MAP3K21: variants seen among roughly 807,000 people sequenced by gnomAD.
MAP3K21 encodes mitogen-activated protein kinase kinase kinase MLK4.
In MAP3K21, 63 loss-of-function variants were observed where a neutral mutation model predicts 86.1. That is an observed-to-expected ratio of 0.73 (90% CI 0.60 to 0.90). MAP3K21 has a LOEUF of 0.90. Among genes scored for constraint, MAP3K21 ranks in the 40% least tolerant of loss-of-function variants. The probability of loss-of-function intolerance (pLI) is 0.00; values close to 1 mark genes in which losing one functional copy is unlikely to be tolerated. For synonymous variants in MAP3K21, 558 were observed against 564.8 expected, an observed-to-expected ratio of 0.99 and a Z score of 0.17; for missense variants, 1,220 against 1,367.7, an observed-to-expected ratio of 0.89 and a Z score of 1.70.
chr1:233,339,267 C>CTTCTTCTTCTTGTTCTTCTTCTTCTT, intron 1 of MAP3K21, among the ~76,000 whole-genome samples: 1 of 25,146 alleles, frequency 4.0e-5, no homozygotes, highest in Non-Finnish European at 8.0e-5. Flanking sequence ...TCTTCTTCTT[C>CTTCTTCTTCTTGTTCTTCTTCTTCTT]CTCTTCTTCT....
Position 233,383,642 on chromosome 1 carries a change from A to G in MAP3K21, c.*931A>G, listed in dbSNP as rs1261768831. 1 of 152,102 alleles carries G rather than the reference A, an allele frequency of 6.6e-6. No homozygotes were observed. Among genetic ancestry groups the G allele is most frequent in the Non-Finnish European group, 1.5e-5 (1 of 68,010 alleles). 9.4% of individuals were successfully genotyped at this position (152,102 alleles called of 1,614,324 possible). ...AGATACCTAGCTCTTCACAGATATCATGTACTGTAAACAGTCATGTGTCTT... is the reference window on the plus strand; with the variant it reads ...AGATACCTAGCTCTTCACAGATATCGTGTACTGTAAACAGTCATGTGTCTT... On this transcript the variant is annotated 3_prime_UTR_variant, in exon 10 of 10. Transcript: ENST00000366624.
chr1:233,337,689 T>G (rs1662943699), intron 1 of MAP3K21, among the ~76,000 whole-genome samples: 1 of 152,178 alleles, frequency 6.6e-6, no homozygotes, highest in Non-Finnish European at 1.5e-5. Flanking sequence ...CCTGCAGGTG[T>G]GCTGAGATCT....
Position 233,328,935 on chromosome 1 carries a change from T to C in MAP3K21, c.805+102T>C. 9 of 1,176,164 alleles carry C rather than the reference T, an allele frequency of 7.7e-6. No homozygotes were observed. The highest frequency in any genetic ancestry group is 9.7e-6 in the Non-Finnish European group (9 of 931,044). 72.9% of individuals were successfully genotyped at this position (1,176,164 alleles called of 1,614,324 possible). A position where few individuals can be genotyped will look rare whatever the true frequency, so the allele number is the denominator to read the frequency against. On this transcript the variant is annotated intron_variant, in intron 1 of 9. Coordinates refer to ENST00000366624, the MANE Select transcript of MAP3K21 (RefSeq NM_032435.3). This position sits in a 1 kb window ranked among gnomAD's most constrained non-coding sequence, Gnocchi z 8.7. ...GATGGAAAGAGGTGGGAGTCAGCCTTAGGGCGCCAGCAGCAACTCATGCCC... is the reference window on the plus strand; with the variant it reads ...GATGGAAAGAGGTGGGAGTCAGCCTCAGGGCGCCAGCAGCAACTCATGCCC...
intron 5 of MAP3K21, 55 bp downstream of exon 5, chr1:233,362,348 A>G: frequency 1.3e-6 from 2 of 1,586,386 alleles, no homozygotes; most frequent in Non-Finnish European, 1.7e-6. Context: ...CCTTTTAATC[A>G]GTTTTCTTTG....
intron 1 of MAP3K21, among the ~76,000 whole-genome samples, chr1:233,345,960 A>G (rs954556444): frequency 1.3e-5 from 2 of 152,108 alleles, no homozygotes; most frequent in African/African-American, 4.8e-5. Context: ...TATCTCCTAC[A>G]TTATCTTTAT....
chr1:233,371,862 A>T (rs1246188119), intron 5 of MAP3K21, among the ~76,000 whole-genome samples, 176 bp from the exon 6 acceptor site: 1 of 151,842 alleles, frequency 6.6e-6, no homozygotes, highest in Admixed American at 6.6e-5. Context: ...GCTCAGAATC[A>T]TTATTTATTG....
At chr1:233,377,133 G>T (rs567194147) in intron 8 of MAP3K21, among the ~76,000 whole-genome samples, 1 of 140,260 alleles carries the variant, frequency 7.1e-6, no homozygotes, top group Non-Finnish European at 1.6e-5. Flanking sequence ...TAAGAAAAAT[G>T]ACTCCTTGGA....
chr1:233,339,195 T>TTTCTTCTTCTTCTTCCTCTTCTTCTTC (rs1662969415), intron 1 of MAP3K21, among the ~76,000 whole-genome samples: 2 of 115,370 alleles, frequency 1.7e-5, no homozygotes, highest in Non-Finnish European at 1.9e-5. Flanking sequence ...AAAACAATCA[T>TTTCTTCTTCTTCTTCCTCTTCTTCTTC]TTCTTCTTCT....
Position 233,382,839 on chromosome 1 carries a change from T to A in MAP3K21, c.*128T>A. 1.3e-6 allele frequency: 1 copy of A among 756,318 alleles called. No individual in the cohort carries two copies. The highest frequency in any genetic ancestry group is 2.1e-6 in the Non-Finnish European group (1 of 478,238). 46.9% of individuals were successfully genotyped at this position (756,318 alleles called of 1,614,324 possible). A position where few individuals can be genotyped will look rare whatever the true frequency, so the allele number is the denominator to read the frequency against. Reference sequence around the variant, plus strand: ...TGGCCATGTTCCTAAATTAGTAAGATATATCCAGCTTCTCAAAAAATGTAT... The same window carrying A: ...TGGCCATGTTCCTAAATTAGTAAGAAATATCCAGCTTCTCAAAAAATGTAT... On this transcript the variant is annotated 3_prime_UTR_variant, in exon 10 of 10. Coordinates refer to ENST00000366624, the MANE Select transcript of MAP3K21 (RefSeq NM_032435.3).
At position 233,382,457 on chromosome 1, in the gene MAP3K21, C is replaced by A; in HGVS notation, c.2857C>A (p.Arg953Ser). The A allele has an allele frequency of 6.2e-7, 1 of 1,614,130 alleles. No homozygotes were observed. Among genetic ancestry groups the A allele is most frequent in the South Asian group, 1.1e-5 (1 of 91,090 alleles). ...PQRRPASLRS[R>S]SDLPQAYPQT... ...GCGTCGCCCTGCCTCCCTGAGAAGC[C>A]GCTCAGATCTGCCTCAGGCTTACCC... is the stretch of plus-strand genomic sequence containing the variant. Residue 953 changes from arginine (R) to serine (S), a missense_variant, in exon 10 of 10, where the codon CGC becomes AGC. Around this residue, in one of 5 missense-constraint regions of MAP3K21, gnomAD observed 632 missense variants for 691.3 expected, o/e 0.91. Transcript: ENST00000366624.
At chr1:233,336,968 A>T (rs554031512) in intron 1 of MAP3K21, among the ~76,000 whole-genome samples, 64 of 152,324 alleles carry the variant, frequency 4.2e-4, no homozygotes, top group Middle Eastern at 3.4e-3. Context: ...TGACTCTGGG[A>T]AAAGGAACAT....
At chr1:233,366,818 G>T (rs891485808) in intron 5 of MAP3K21, among the ~76,000 whole-genome samples, 4 of 152,182 alleles carry the variant, frequency 2.6e-5, no homozygotes, top group Admixed American at 2.6e-4. Flanking sequence ...TATAGCTATG[G>T]TGATTTAGTG....
At position 233,328,099 on chromosome 1, in the gene MAP3K21, C is replaced by G. The variant is rs1488562425; in HGVS notation, c.71C>G (p.Ser24Ter). 6.5e-5 allele frequency: 90 copies of G among 1,376,740 alleles called. No individual in the cohort carries two copies. The highest frequency in any genetic ancestry group is 1.9e-6 in the Non-Finnish European group (2 of 1,071,934). The allele number at this position is 1,376,740 out of a possible 1,614,324, so 85.3% of individuals were successfully genotyped here. The change falls in exon 1 of 10, where the codon TCA becomes TGA. Residue 24 changes from serine to a stop codon, truncating the protein, a stop_gained. Coordinates refer to ENST00000366624, the MANE Select transcript of MAP3K21 (RefSeq NM_032435.3). LOFTEE classifies it high-confidence loss of function. The surrounding 1 kb of genome is among the most constrained non-coding windows in gnomAD (Gnocchi z 8.7). ...VSSAGGAPGG[S>*]ASSSSTSSGG... ...TCGGCCGGGGGAGCCCCCGGCGGCT[C>G]AGCGTCCTCGTCGTCCACCTCCTCG...
intron 5 of MAP3K21, among the ~76,000 whole-genome samples, chr1:233,369,151 T>C (rs1297116843): frequency 6.9e-6 from 1 of 145,370 alleles, no homozygotes; most frequent in East Asian, 2.0e-4. Flanking sequence ...AAGGTGATCA[T>C]AGAAGGCTTC....
At position 233,328,689 on chromosome 1, in the gene MAP3K21, CCG is replaced by C; in HGVS notation, c.669_670del (p.Pro224ArgfsTer29). 4.4e-6 allele frequency: 6 copies of C among 1,355,542 alleles called. No individual in the cohort carries two copies. The highest frequency in any genetic ancestry group is 1.9e-5 in the South Asian group (1 of 51,986). 84.0% of individuals were successfully genotyped at this position (1,355,542 alleles called of 1,614,324 possible). A position where few individuals can be genotyped will look rare whatever the true frequency, so the allele number is the denominator to read the frequency against. Reference sequence around the variant, plus strand: ...GGCCGCTGCCAACGCCGCCCCGGACCCGCGCGCGCCCGGCCCCCGCCGCGCGC... The same window carrying C: ...GGCCGCTGCCAACGCCGCCCCGGACCCGCGCGCCCGGCCCCCGCCGCGCGC... ...ALAAANAAPD[P>X]RAPGPRRARR... On this transcript the variant is annotated frameshift_variant, in exon 1 of 10. Transcript: ENST00000366624. LOFTEE classifies it high-confidence loss of function. The surrounding 1 kb of genome is among the most constrained non-coding windows in gnomAD (Gnocchi z 8.7).
At chr1:233,360,492 C>T (rs1463950634) in intron 4 of MAP3K21, among the ~76,000 whole-genome samples, 1 of 151,992 alleles carries the variant, frequency 6.6e-6, no homozygotes, top group Non-Finnish European at 1.5e-5. Context: ...AAATTTGTTT[C>T]AAGAAATAAA....
At chr1:233,367,172 T>G (rs1375824286) in intron 5 of MAP3K21, among the ~76,000 whole-genome samples, 2 of 152,192 alleles carry the variant, frequency 1.3e-5, no homozygotes, top group Admixed American at 6.6e-5. Context: ...TAACTTTGAT[T>G]GCTTCAGAAG....
At position 233,346,514 on chromosome 1, in the gene MAP3K21, C is replaced by T. The variant is rs773185929; in HGVS notation, c.878C>T (p.Ala293Val). The T allele has an allele frequency of 1.9e-6, 3 of 1,613,490 alleles. No homozygotes were observed. The highest frequency in any genetic ancestry group is 1.3e-5 in the African/African-American group (1 of 74,872). ...TTGAAGATTACAGATTTTGGGTTGGCGAGGGAATGGCACAGGACCACCAAA... is the reference window on the plus strand; with the variant it reads ...TTGAAGATTACAGATTTTGGGTTGGTGAGGGAATGGCACAGGACCACCAAA... ...KTLKITDFGL[A>V]REWHRTTKMS... Residue 293 changes from alanine to valine, a missense_variant, in exon 2 of 10, where the codon GCG (alanine) becomes GTG (valine). Ala to Val is a moderately conservative substitution (Grantham distance 64). This residue lies in a region of MAP3K21 where 89 missense variants were observed against 144.8 expected (regional missense o/e 0.61). Coordinates refer to ENST00000366624, the MANE Select transcript of MAP3K21 (RefSeq NM_032435.3).
intron 1 of MAP3K21, among the ~76,000 whole-genome samples, chr1:233,341,469 G>A (rs965461191): frequency 3.3e-5 from 5 of 152,208 alleles, no homozygotes; most frequent in African/African-American, 9.7e-5. Context: ...GACATTTGGA[G>A]TGTGATTTGA....
Sources: allele counts gnomAD v4.1 joint callset (sites outside exome capture counted in the v4.1 genomes callset), GRCh38; gene constraint gnomAD v4.1.1; regional missense constraint gnomAD v4.1.1; non-coding constraint Gnocchi (gnomAD v3.1); transcripts MANE v1.5; gene names NCBI Gene and HGNC (gene_info 2026-07-23, HGNC 2026-07-21).